CCDC91: variants seen among roughly 807,000 people sequenced by gnomAD.
The protein encoded by CCDC91 is coiled-coil domain-containing protein 91.
In CCDC91, 48 loss-of-function variants were observed where a neutral mutation model predicts 63.2. That is an observed-to-expected ratio of 0.76 (90% CI 0.60 to 0.97). CCDC91 has a LOEUF of 0.97. Ranked by LOEUF, CCDC91 falls within the 50% of genes least tolerant of loss-of-function variation. The pLI, the probability that CCDC91 is intolerant of heterozygous loss-of-function variation, is 0.00. For synonymous variants in CCDC91, 167 were observed against 165.8 expected (o/e 1.01, Z -0.06); for missense variants, 500 against 494.6 (o/e 1.01, Z -0.10).
intron 8 of CCDC91, among the ~76,000 whole-genome samples, chr12:28,436,505 A>G (rs1948915329): frequency 6.6e-6 from 1 of 151,810 alleles, no homozygotes; most frequent in Admixed American, 6.6e-5. Flanking sequence ...TATTATTTTA[A>G]GCAAACTACT....
At chr12:28,484,221 T>A in intron 12 of CCDC91, 56 bp downstream of exon 12, 1 of 874,064 alleles carries the variant, frequency 1.1e-6, no homozygotes, top group Non-Finnish European at 1.8e-6. Context: ...ATCAGTGACT[T>A]CCATACAATA....
chr12:28,212,533 G>A (rs1444346974), intron 1 of CCDC91, among the ~76,000 whole-genome samples: 2 of 152,120 alleles, frequency 1.3e-5, no homozygotes, highest in African/African-American at 4.8e-5. Flanking sequence ...CCTAAGTTAG[G>A]TTTTCAGTCT....
intron 11 of CCDC91, among the ~76,000 whole-genome samples, chr12:28,475,502 G>A (rs1468785561): frequency 6.6e-6 from 1 of 152,008 alleles, no homozygotes; most frequent in East Asian, 1.9e-4. Context: ...GTTTACAGAA[G>A]GGCTTGTAGC....
At chr12:28,203,360 A>C (rs1217517002) in intron 1 of CCDC91, among the ~76,000 whole-genome samples, 1 of 152,214 alleles carries the variant, frequency 6.6e-6, no homozygotes, top group Non-Finnish European at 1.5e-5. Flanking sequence ...TAACTCCACT[A>C]TTCCTGCTGA....
intron 1 of CCDC91, among the ~76,000 whole-genome samples, chr12:28,244,887 TAA>T (rs1462913632): frequency 6.7e-6 from 1 of 148,742 alleles, no homozygotes; most frequent in East Asian, 2.0e-4. Context: ...AAAAAAGAAA[TAA>T]GAGTTTACTA....
At chr12:28,222,724 T>A (rs1944028457) in intron 1 of CCDC91, among the ~76,000 whole-genome samples, 2 of 152,228 alleles carry the variant, frequency 1.3e-5, no homozygotes, top group Admixed American at 1.3e-4. Context: ...TTGGTCATTT[T>A]TTAAATCTGT....
chr12:28,414,157 T>G (rs1947495191), intron 8 of CCDC91, among the ~76,000 whole-genome samples: 1 of 152,232 alleles, frequency 6.6e-6, no homozygotes, highest in South Asian at 2.1e-4. Context: ...CAAAACTCGT[T>G]TGTCTTTGTC....
At chr12:28,279,787 A>G (rs1948478506) in intron 3 of CCDC91, among the ~76,000 whole-genome samples, 2 of 152,104 alleles carry the variant, frequency 1.3e-5, no homozygotes. Context: ...ACATGAAAAA[A>G]TGCTAGAAAC....
At chr12:28,406,706 A>G (rs747938219) in intron 8 of CCDC91, among the ~76,000 whole-genome samples, 3 of 152,190 alleles carry the variant, frequency 2.0e-5, no homozygotes, top group Non-Finnish European at 4.4e-5. Context: ...CTCAATATCA[A>G]AAGAGGTTTT....
chr12:28,366,786 G>A (rs1944302135), intron 7 of CCDC91, among the ~76,000 whole-genome samples: 1 of 152,128 alleles, frequency 6.6e-6, no homozygotes, highest in African/African-American at 2.4e-5. Flanking sequence ...TGTGGTTTCA[G>A]TGGATGGTTT....
chr12:28,342,720 T>C (rs1267960226), intron 6 of CCDC91, among the ~76,000 whole-genome samples: 11 of 152,048 alleles, frequency 7.2e-5, no homozygotes, highest in African/African-American at 2.7e-4. Flanking sequence ...GTGTTATCTT[T>C]AGATGGAACA....
intron 8 of CCDC91, among the ~76,000 whole-genome samples, chr12:28,418,889 T>C (rs1947837985): frequency 2.0e-5 from 3 of 152,100 alleles, no homozygotes; most frequent in South Asian, 4.1e-4. Context: ...TCAAAATAAT[T>C]ACACAAGATA....
chr12:28,332,902 G>A (rs1473906339), intron 6 of CCDC91, among the ~76,000 whole-genome samples: 4 of 151,728 alleles, frequency 2.6e-5, no homozygotes, highest in African/African-American at 7.3e-5. Context: ...ATGAACATTA[G>A]GCAGCACCTT....
At chr12:28,321,084 A>T (rs1337529982) in intron 6 of CCDC91, among the ~76,000 whole-genome samples, 2 of 151,880 alleles carry the variant, frequency 1.3e-5, no homozygotes, top group Non-Finnish European at 2.9e-5. Context: ...TCTTGAATGG[A>T]AGAATGCTTA....
intron 6 of CCDC91, among the ~76,000 whole-genome samples, chr12:28,361,243 C>T (rs1351658505): frequency 6.6e-6 from 1 of 151,510 alleles, no homozygotes; most frequent in Non-Finnish European, 1.5e-5. Context: ...AGGTTAGTTA[C>T]ATATGTATAC....
chr12:28,266,112 C>T (rs145495618), intron 3 of CCDC91, among the ~76,000 whole-genome samples: 2 of 152,080 alleles, frequency 1.3e-5, no homozygotes, highest in African/African-American at 4.8e-5. Context: ...TTCTATAAAG[C>T]TGTGAATTAT....
At chr12:28,283,612 G>C (rs1216570147) in intron 3 of CCDC91, among the ~76,000 whole-genome samples, 5 of 151,998 alleles carry the variant, frequency 3.3e-5, no homozygotes, top group African/African-American at 7.2e-5. Flanking sequence ...GAGACTGGAA[G>C]TTTTGCAGAT....
chr12:28,521,006 G>A (rs1206178587), intron 12 of CCDC91, among the ~76,000 whole-genome samples: 1 of 152,124 alleles, frequency 6.6e-6, no homozygotes, highest in Non-Finnish European at 1.5e-5. Context: ...CAGGTAGCAT[G>A]ATGCCTCCAG....
At chr12:28,335,900 T>G (rs1941939222) in intron 6 of CCDC91, among the ~76,000 whole-genome samples, 1 of 151,838 alleles carries the variant, frequency 6.6e-6, no homozygotes, top group Admixed American at 6.6e-5. Context: ...AACTGACATG[T>G]AGACAGTGTT....
Sources: allele counts gnomAD v4.1 joint callset (sites outside exome capture counted in the v4.1 genomes callset), GRCh38; gene constraint gnomAD v4.1.1; transcripts MANE v1.5; gene names NCBI Gene and HGNC (gene_info 2026-07-23, HGNC 2026-07-21).